Variants in IFT140 observed in about 807,000 individuals in gnomAD.
The protein encoded by IFT140 is intraflagellar transport 140.
Under a neutral mutation model 164.6 loss-of-function variants are expected in IFT140, and 133 were observed. The ratio of observed to expected loss-of-function variants is 0.81; its 90% CI spans 0.70 to 0.93. The LOEUF is 0.93. IFT140 is among the 40% of genes least tolerant of loss of function. IFT140 has a pLI of 0.00. For synonymous variants in IFT140, 860 were observed against 817.3 expected (o/e 1.05, Z -0.89); for missense variants, 2,045 against 1,972.3 (o/e 1.04, Z -0.70).
At chr16:1,524,438 G>A in intron 24 of IFT140, 114 bp downstream of exon 24, 1 of 1,400,502 alleles carries the variant, frequency 7.1e-7, no homozygotes, top group Non-Finnish European at 9.6e-7. Flanking sequence ...GTGAGTGGCA[G>A]ACACTGGCCG....
chr16:1,511,014 C>T lies in IFT140; in HGVS notation c.4319G>A (p.Arg1440His), dbSNP rs34813273. 1.4e-4 allele frequency: 233 copies of T among 1,607,344 alleles called. 2 individuals carry two copies. The African/African-American group carries it at 2.5e-3, about 17-fold the overall frequency. ...CCTGGCGTCCTCCATGCTGTTGTGG[C>T]GGACCTGCTCGGGGACGGTGCGTGG... ...PLPRTVPEQV[R>H]HNSMEDAREL... The change falls in exon 31 of 31, where the codon CGC becomes CAC. Residue 1440 changes from arginine (R) to histidine (H), a missense_variant. By Grantham distance (29) the Arg-to-His change is conservative. Coordinates refer to ENST00000426508, the MANE Select transcript of IFT140 (RefSeq NM_014714.4).
intron 19 of IFT140, among the ~76,000 whole-genome samples, chr16:1,546,083 T>C (rs1027082784): frequency 1.3e-5 from 2 of 152,236 alleles, no homozygotes; most frequent in Non-Finnish European, 2.9e-5. Context: ...CTCTGTTCTT[T>C]CACAGTCTGT....
At chr16:1,585,074 G>A (rs1291005372) in intron 10 of IFT140, among the ~76,000 whole-genome samples, 1 of 152,206 alleles carries the variant, frequency 6.6e-6, no homozygotes. Flanking sequence ...AACAGGAACA[G>A]AGAGAAATCA....
At chr16:1,580,888 A>G in intron 12 of IFT140, 38 bp from the exon 13 acceptor site, 1 of 1,409,324 alleles carries the variant, frequency 7.1e-7, no homozygotes, top group South Asian at 1.2e-5. Context: ...GCGGCCGCTC[A>G]TCCGCCAGAC....
Position 1,582,053 on chromosome 16 carries a change from C to T in IFT140, c.1433-1203G>A, listed in dbSNP as rs560936371. 4.8e-3 allele frequency among the ~76,000 whole-genome samples: 721 copies of T among 151,584 alleles called. 2 individuals carry two copies. The highest frequency in any genetic ancestry group is 9.1e-3 in the African/African-American group (375 of 41,292). ...ACACGCGGCCTCCTGTGTGGGCAGGCGGCTGAGGGGCAGGGTTGGTGAAGG... is the reference window on the plus strand; with the variant it reads ...ACACGCGGCCTCCTGTGTGGGCAGGTGGCTGAGGGGCAGGGTTGGTGAAGG... On this transcript the variant is annotated intron_variant, in intron 12 of 30. Transcript: ENST00000426508.
intron 18 of IFT140, among the ~76,000 whole-genome samples, chr16:1,558,863 CT>C (rs2033250830): frequency 6.6e-6 from 1 of 152,236 alleles, no homozygotes; most frequent in African/African-American, 2.4e-5. Flanking sequence ...TATTCTGTGA[CT>C]TCCTGAAGGG....
intron 11 of IFT140, 107 bp from the exon 12 acceptor site, chr16:1,583,493 C>T: frequency 1.2e-6 from 1 of 815,614 alleles, no homozygotes; most frequent in Non-Finnish European, 2.0e-6. Flanking sequence ...CTGAACACTG[C>T]TGCTCCATCA....
rs1319813919 is a variant in IFT140, at chr16:1,607,209, ATGAGGGTGACCC to A, written c.46_57del (p.Gly16_Ser19del). The A allele has an allele frequency of 1.9e-6, 3 of 1,614,180 alleles. No individual in the cohort carries two copies. Among genetic ancestry groups the A allele is most frequent in the Non-Finnish European group, 1.7e-6 (2 of 1,180,016 alleles). ...GGATGGACAGGGTGCCAGCTGATAA[ATGAGGGTGACCC>A]TGCTGCATCCGGGGCTTCTATCTGG... is the stretch of plus-strand genomic sequence containing the variant. On this transcript the variant is annotated inframe_deletion, in exon 3 of 31. Coordinates refer to ENST00000426508, the MANE Select transcript of IFT140 (RefSeq NM_014714.4).
At chr16:1,594,575 G>T (rs972568876) in intron 4 of IFT140, among the ~76,000 whole-genome samples, 1 of 152,164 alleles carries the variant, frequency 6.6e-6, no homozygotes, top group Non-Finnish European at 1.5e-5. Context: ...GAGGAGCCAC[G>T]GTTGTTTCCT....
chr16:1,524,947 A>T (rs2141173013), intron 22 of IFT140, 31 bp from the exon 23 acceptor site: 1 of 1,580,804 alleles, frequency 6.3e-7, no homozygotes, highest in East Asian at 2.3e-5. Context: ...TGGATTCTCC[A>T]CCCGAGCCCC....
intron 11 of IFT140, among the ~76,000 whole-genome samples, chr16:1,583,807 C>A (rs984232195): frequency 1.3e-5 from 2 of 152,000 alleles, no homozygotes; most frequent in Non-Finnish European, 2.9e-5. Flanking sequence ...TGCAGTGGCA[C>A]GATCTCAGCT....
At chr16:1,585,973 G>A (rs1007999788) in intron 10 of IFT140, among the ~76,000 whole-genome samples, 157 bp downstream of exon 10, 6 of 151,856 alleles carry the variant, frequency 4.0e-5, no homozygotes, top group South Asian at 2.1e-4. Flanking sequence ...GGGTTTCACC[G>A]TGTTAGCCAG....
At chr16:1,582,774 G>A (rs1023613685) in intron 12 of IFT140, among the ~76,000 whole-genome samples, 3 of 152,234 alleles carry the variant, frequency 2.0e-5, no homozygotes, top group Admixed American at 6.5e-5. Context: ...GTGGTGGCAC[G>A]CACCTGTAAT....
chr16:1,587,584 G>A (rs1235223631), intron 8 of IFT140, among the ~76,000 whole-genome samples: 4 of 152,208 alleles, frequency 2.6e-5, no homozygotes, highest in African/African-American at 7.2e-5. Context: ...GATGGCCCCG[G>A]ACAGCACACT....
At chr16:1,568,455 G>T in intron 14 of IFT140, 121 bp from the exon 15 acceptor site, 1 of 789,824 alleles carries the variant, frequency 1.3e-6, no homozygotes, top group East Asian at 2.5e-5. Flanking sequence ...TTCTCACCCT[G>T]GGTGGCGCGT....
chr16:1,570,340 C>T (rs1468106144), intron 14 of IFT140, among the ~76,000 whole-genome samples: 2 of 152,184 alleles, frequency 1.3e-5, no homozygotes, highest in Non-Finnish European at 2.9e-5. Flanking sequence ...GTCATCCCTA[C>T]CTACATGAAG....
intron 19 of IFT140, 152 bp downstream of exon 19, chr16:1,557,783 A>G (rs2033180836): frequency 1.0e-5 from 8 of 776,716 alleles, no homozygotes; most frequent in Non-Finnish European, 1.7e-5. Context: ...GCTGGGCAGC[A>G]TTTCATCGAG....
At chr16:1,572,507 G>A (rs2034074350) in intron 13 of IFT140, among the ~76,000 whole-genome samples, 1 of 152,190 alleles carries the variant, frequency 6.6e-6, no homozygotes. Flanking sequence ...TTAGCCGGGT[G>A]TGGCGGTGGG....
In IFT140 at chr16:1,557,992, A is replaced by C. The variant is rs768211645; in HGVS notation, c.2342T>G (p.Phe781Cys). The change falls in exon 19 of 31, where the codon TTC becomes TGC. Residue 781 changes from phenylalanine to cysteine, a missense_variant. Phe to Cys is a radical substitution (Grantham distance 205, BLOSUM62 -2). Transcript: ENST00000426508. ...GTCCATGTCTCCTATGGTGACAAAG[A>C]AGCTGAAGTGGAGCATGGCGTCCCG... The part of the protein sequence containing the change: ...ATRDAMLHFS[F>C]FVTIGDMDEA... 2.5e-6 allele frequency: 4 copies of C among 1,613,960 alleles called. No individual in the cohort carries two copies. Among genetic ancestry groups the C allele is most frequent in the Non-Finnish European group, 2.5e-6 (3 of 1,180,050 alleles).
Sources: allele counts gnomAD v4.1 joint callset (sites outside exome capture counted in the v4.1 genomes callset), GRCh38; gene constraint gnomAD v4.1.1; transcripts MANE v1.5; gene names NCBI Gene and HGNC (gene_info 2026-07-23, HGNC 2026-07-21).